AGMO: variants seen among roughly 807,000 people sequenced by gnomAD.
AGMO encodes alkylglycerol monooxygenase.
In AGMO, 75 loss-of-function variants were observed where a neutral mutation model predicts 60.2. The ratio of observed to expected loss-of-function variants is 1.25; its 90% CI spans 1.03 to 1.51. The LOEUF (loss-of-function observed/expected upper bound fraction) is 1.51. AGMO is among the 40% of genes most tolerant of loss of function. AGMO has a pLI of 0.00. For missense variants in AGMO, 763 were observed against 525.5 expected (o/e 1.45, Z -4.42); for synonymous variants, 261 against 177.1 (o/e 1.47, Z -3.76).
chr7:15,500,587 T>C (rs186837000), intron 3 of AGMO, among the ~76,000 whole-genome samples: 289 of 151,944 alleles, frequency 1.9e-3, no homozygotes, highest in Non-Finnish European at 3.1e-3. Context: ...CTTTACCAAT[T>C]TCCCAGGAAA....
intron 3 of AGMO, among the ~76,000 whole-genome samples, chr7:15,530,773 C>CTATATAGATATTCTATATATACATTTCTA (rs1784292610): frequency 7.7e-6 from 1 of 129,474 alleles, no homozygotes; most frequent in Non-Finnish European, 1.6e-5. Context: ...ATATACATTT[C>CTATATAGATATTCTATATATACATTTCTA]TATATATATT....
In AGMO at chr7:15,385,601, A is replaced by T. The variant is rs369316907; in HGVS notation, c.958-39T>A. The T allele has an allele frequency of 7.7e-6, 9 of 1,173,560 alleles. No individual in the cohort carries two copies. The African/African-American group carries it at 1.1e-4, about 14-fold the overall frequency. The allele number at this position is 1,173,560 out of a possible 1,614,324, so 72.7% of individuals were successfully genotyped here. A position where few individuals can be genotyped will look rare whatever the true frequency, so the allele number is the denominator to read the frequency against. On this transcript the variant is annotated intron_variant, in intron 9 of 12. Transcript: ENST00000342526. The stretch of plus-strand genomic sequence containing the variant: ...AACCATTTCCTTTATATTGCTCCAG[A>T]CTCATTTTTCTTACTGAAATTCACA...
At chr7:15,198,239 GAGAGAGAGAGA>G (rs1781179643), downstream of AGMO, among the ~76,000 whole-genome samples, 1 of 108,894 alleles carries the variant, frequency 9.2e-6, no homozygotes, top group African/African-American at 5.2e-5. Context: ...GAGAGAGAGA[GAGAGAGAGAGA>G]GAGAGACAGA....
At chr7:15,368,078 C>T (rs929343886) in intron 10 of AGMO, among the ~76,000 whole-genome samples, 7 of 151,876 alleles carry the variant, frequency 4.6e-5, no homozygotes, top group Non-Finnish European at 8.8e-5. Flanking sequence ...CAAAGCAATA[C>T]TTTAGTGGAA....
chr7:15,390,844 A>T lies in AGMO; in HGVS notation c.738T>A (p.Ile246=), dbSNP rs780155882. The T allele has an allele frequency of 1.2e-6, 2 of 1,604,560 alleles. No individual in the cohort carries two copies. The highest frequency in any genetic ancestry group is 1.3e-5 in the African/African-American group (1 of 74,722). ...ATTTTAATACATTTTACTTACCAAAAATTTTATCCCAAATAATAAGAACAC... is the reference window on the plus strand; with the variant it reads ...ATTTTAATACATTTTACTTACCAAATATTTTATCCCAAATAATAAGAACAC... ...YAGVLIIWDK[I]FGTFEAENEK... The change falls in exon 7 of 13, where the codon ATT becomes ATA. Residue 246 remains isoleucine (I), a synonymous_variant. Coordinates refer to ENST00000342526, the MANE Select transcript of AGMO (RefSeq NM_001004320.2).
the AGMO span, among the ~76,000 whole-genome samples, chr7:15,175,006 A>G: frequency 6.6e-6 from 1 of 151,822 alleles, no homozygotes; most frequent in Non-Finnish European, 1.5e-5. Context: ...TATATTTGCA[A>G]TATATATCCT....
intron 3 of AGMO, among the ~76,000 whole-genome samples, chr7:15,487,878 T>C (rs1037990932): frequency 3.3e-5 from 5 of 152,152 alleles, no homozygotes; most frequent in African/African-American, 9.7e-5. Context: ...TCACCTACAA[T>C]GTGATTAGAA....
chr7:15,357,279 GA>G (rs1782575723), intron 12 of AGMO, among the ~76,000 whole-genome samples: 1 of 150,572 alleles, frequency 6.6e-6, no homozygotes, highest in Admixed American at 6.7e-5. Flanking sequence ...TACTTACCAT[GA>G]AACATTGTTG....
chr7:15,527,354 C>G (rs1389344835), intron 3 of AGMO, among the ~76,000 whole-genome samples: 8 of 152,138 alleles, frequency 5.3e-5, no homozygotes, highest in Non-Finnish European at 1.0e-4. Context: ...TTTTAGTGTT[C>G]TGGATAGAAG....
intron 12 of AGMO, among the ~76,000 whole-genome samples, chr7:15,243,428 AATCCAG>A (rs987751738): frequency 2.6e-5 from 4 of 152,104 alleles, no homozygotes; most frequent in African/African-American, 9.7e-5. Context: ...AAGTTAAATC[AATCCAG>A]ATCCATCTAT....
At chr7:15,170,770 G>T in the AGMO span, among the ~76,000 whole-genome samples, 1 of 151,970 alleles carries the variant, frequency 6.6e-6, no homozygotes, top group Non-Finnish European at 1.5e-5. Flanking sequence ...CCTGTTCCAG[G>T]ATCCTATTTC....
intron 3 of AGMO, among the ~76,000 whole-genome samples, chr7:15,514,495 G>C (rs1180749728): frequency 6.6e-6 from 1 of 152,084 alleles, no homozygotes; most frequent in Non-Finnish European, 1.5e-5. Context: ...TACACAGAAA[G>C]TTGAGGCTCA....
the AGMO span, among the ~76,000 whole-genome samples, chr7:15,126,778 T>C: frequency 6.6e-6 from 1 of 152,144 alleles, no homozygotes; most frequent in African/African-American, 2.4e-5. Context: ...CCACATTCTA[T>C]AGAGAATCCT....
At chr7:15,278,166 C>T (rs529366554) in intron 12 of AGMO, among the ~76,000 whole-genome samples, 1 of 152,286 alleles carries the variant, frequency 6.6e-6, no homozygotes, top group Non-Finnish European at 1.5e-5. Context: ...AGAATCTCTT[C>T]ACTCAGTCCA....
chr7:15,294,096 G>A (rs1436462572), intron 12 of AGMO, among the ~76,000 whole-genome samples: 1 of 152,030 alleles, frequency 6.6e-6, no homozygotes, highest in South Asian at 2.1e-4. Context: ...CCTTGAACAG[G>A]TTCCAGAAAA....
intron 10 of AGMO, among the ~76,000 whole-genome samples, chr7:15,379,712 C>G (rs1287039770): frequency 2.0e-5 from 3 of 151,552 alleles, no homozygotes; most frequent in Non-Finnish European, 4.4e-5. Context: ...GAAACTATTC[C>G]AAAAACTTCA....
intron 2 of AGMO, among the ~76,000 whole-genome samples, chr7:15,553,285 G>T (rs560195721): frequency 2.7e-5 from 4 of 150,494 alleles, no homozygotes; most frequent in Non-Finnish European, 5.9e-5. Context: ...ACTAACCTGC[G>T]CAATGTGCAC....
intron 12 of AGMO, among the ~76,000 whole-genome samples, chr7:15,359,024 A>G (rs1474704641): frequency 6.6e-6 from 1 of 152,068 alleles, no homozygotes; most frequent in Non-Finnish European, 1.5e-5. Context: ...TTTATAAATT[A>G]ATTAGATTTA....
chr7:15,494,639 G>A lies in AGMO; in HGVS notation c.409+50133C>T, dbSNP rs528334311. Among the ~76,000 whole-genome samples the A allele has an allele frequency of 4.6e-5, 7 of 152,256 alleles. No individual in the cohort carries two copies. In the South Asian group the frequency reaches 1.5e-3, roughly 32 times the overall value. ...AGCTTTAAGTAGAGAAAAAAAAGTTGCCTTTTTCCTCGTCCATTTGATAGT... is the reference window on the plus strand; with the variant it reads ...AGCTTTAAGTAGAGAAAAAAAAGTTACCTTTTTCCTCGTCCATTTGATAGT... On this transcript the variant is annotated intron_variant, in intron 3 of 12. Coordinates refer to ENST00000342526, the MANE Select transcript of AGMO (RefSeq NM_001004320.2).
Sources: allele counts gnomAD v4.1 joint callset (sites outside exome capture counted in the v4.1 genomes callset), GRCh38; gene constraint gnomAD v4.1.1; transcripts MANE v1.5; gene names NCBI Gene and HGNC (gene_info 2026-07-23, HGNC 2026-07-21).